Variants in COL9A1 observed in about 807,000 individuals in gnomAD.
COL9A1 encodes the protein collagen alpha-1(IX) chain.
Under a neutral mutation model 142.6 loss-of-function variants are expected in COL9A1, and 104 were observed. The ratio of observed to expected loss-of-function variants is 0.73; its 90% CI spans 0.62 to 0.86. The LOEUF (loss-of-function observed/expected upper bound fraction) is 0.86, where lower values mean the gene tolerates loss of function less well. Among genes scored for constraint, COL9A1 ranks in the 40% least tolerant of loss-of-function variants. The pLI is 0.00. For synonymous variants in COL9A1, 466 were observed against 396.0 expected (o/e 1.18, Z -2.10); for missense variants, 1,210 against 1,176.6 (o/e 1.03, Z -0.42).
At position 70,274,749 on chromosome 6, in the gene COL9A1, G is replaced by A. The variant is rs1034787678; in HGVS notation, c.999C>T (p.Ser333=). ...GADGLTGPDG[S]PGSIGSKGQK... ...GTCCCTTTGACCCAATGGAGCCAGG[G>A]GATCCATCAGGTCCTGTTAATCCCT... Residue 333 remains serine, a synonymous_variant, in exon 11 of 38, where the codon TCC becomes TCT. Transcript: ENST00000357250. The A allele has an allele frequency of 6.2e-6, 10 of 1,612,562 alleles. No homozygotes were observed. The highest frequency in any genetic ancestry group is 2.2e-5 in the East Asian group (1 of 44,868).
At chr6:70,260,519 G>T (rs987761161) in intron 20 of COL9A1, 138 bp downstream of exon 20, 24 of 694,604 alleles carry the variant, frequency 3.5e-5, no homozygotes, top group Non-Finnish European at 5.2e-5. Context: ...TTGCACTCCA[G>T]CCTGGGCAAC....
chr6:70,302,236 G>A (rs1429022847), intron 1 of COL9A1, among the ~76,000 whole-genome samples, 162 bp from the exon 2 acceptor site: 2 of 128,936 alleles, frequency 1.6e-5, no homozygotes, highest in Non-Finnish European at 3.1e-5. Context: ...TTGAGACGGA[G>A]TCTCGCTCTG....
chr6:70,242,502 A>T (rs1365328938), intron 29 of COL9A1, among the ~76,000 whole-genome samples, 160 bp downstream of exon 29: 1 of 152,228 alleles, frequency 6.6e-6, no homozygotes, highest in African/African-American at 2.4e-5. Flanking sequence ...AGGGTATCCT[A>T]CCCATAATTT....
At position 70,240,902 on chromosome 6, in the gene COL9A1, A is replaced by G. The variant is rs188168480; in HGVS notation, c.2035-169T>C. On this transcript the variant is annotated intron_variant, in intron 31 of 37. Coordinates refer to ENST00000357250, the MANE Select transcript of COL9A1 (RefSeq NM_001851.6). ...AATCTAGCTGTCAGTGGTTAGTCCC[A>G]ATCAGAAAATAGCGGAGAGGAAAGC... 3.2e-3 allele frequency among the ~76,000 whole-genome samples: 492 copies of G among 152,246 alleles called. 1 individual carries two copies. The highest frequency in any genetic ancestry group is 0.01 in the Middle Eastern group (3 of 294).
chr6:70,242,656 A>G lies in COL9A1; in HGVS notation c.1926+6T>C, dbSNP rs372289111. 7 of 1,613,524 alleles carry G rather than the reference A, an allele frequency of 4.3e-6. No individual in the cohort carries two copies. In the Admixed American group the frequency reaches 8.3e-5, roughly 19 times the overall value. ...GAAGGCAAATAAACGAAACTTTTCT[A>G]CTTACCAGTTTACCTGGTAGGCCTG... On this transcript the variant is annotated splice_donor_region_variant and intron_variant, in intron 29 of 37. Transcript: ENST00000357250.
intron 37 of COL9A1, among the ~76,000 whole-genome samples, chr6:70,225,130 G>A (rs1250622023): frequency 6.6e-6 from 1 of 152,148 alleles, no homozygotes; most frequent in Non-Finnish European, 1.5e-5. Flanking sequence ...AGGGCTTTGG[G>A]AGCCTTCCTA....
rs117786448 is a variant in COL9A1 at position 70,295,089 on chromosome 6, A to G, written c.300-526T>C. Among the ~76,000 whole-genome samples, 1,113 of 152,210 alleles carry G rather than the reference A, an allele frequency of 7.3e-3. 9 individuals carry two copies. Among genetic ancestry groups the G allele is most frequent in the Middle Eastern group, 0.01 (3 of 294 alleles). ...AATTGCTTGGGTATTCCACTCCACA[A>G]TTATATCCCAGACCCATATAAGTAT... On this transcript the variant is annotated intron_variant, in intron 4 of 37. Transcript: ENST00000357250.
chr6:70,224,488 C>T (rs1163755375), intron 37 of COL9A1, among the ~76,000 whole-genome samples: 3 of 152,110 alleles, frequency 2.0e-5, no homozygotes, highest in Non-Finnish European at 4.4e-5. Context: ...GAAAATGTTG[C>T]CAATAGTGCA....
chr6:70,244,872 G>GT (rs1770492643), intron 28 of COL9A1, among the ~76,000 whole-genome samples: 1 of 152,120 alleles, frequency 6.6e-6, no homozygotes, highest in African/African-American at 2.4e-5. Context: ...CAGACCCTTG[G>GT]TAATATATAT....
In COL9A1 at chr6:70,280,881, A is replaced by AT. The variant is rs768702678; in HGVS notation, c.913-8_913-7insA. The AT allele has an allele frequency of 3.0e-5, 49 of 1,613,418 alleles. No individual in the cohort carries two copies. Among genetic ancestry groups the AT allele is most frequent in the African/African-American group, 4.0e-5 (3 of 74,922 alleles). On this transcript the variant is annotated splice_region_variant and splice_polypyrimidine_tract_variant and intron_variant, in intron 9 of 37. Transcript: ENST00000357250. ...CCGGTTCACCTGCAGGACCCTGAGC[A>AT]GGGGCAGAAGGGTGCGGGGGCAGGA...
chr6:70,281,290 G>T, intron 8 of COL9A1, 100 bp downstream of exon 8: 1 of 1,141,686 alleles, frequency 8.8e-7, no homozygotes, highest in Non-Finnish European at 1.2e-6. Flanking sequence ...GGGAGACCCT[G>T]GTCCTCTCTG....
intron 13 of COL9A1, 60 bp from the exon 14 acceptor site, chr6:70,271,768 A>G: frequency 1.4e-6 from 2 of 1,400,120 alleles, no homozygotes; most frequent in Non-Finnish European, 2.0e-6. Flanking sequence ...TCTATCATAC[A>G]TTATATCAAA....
intron 26 of COL9A1, 179 bp downstream of exon 26, chr6:70,253,206 T>C: frequency 1.9e-6 from 1 of 519,728 alleles, no homozygotes; most frequent in Admixed American, 3.3e-5. Flanking sequence ...TGTCAAAGTA[T>C]GCTTTCTGTA....
chr6:70,266,397 G>A (rs1267373408), intron 18 of COL9A1, among the ~76,000 whole-genome samples: 3 of 152,208 alleles, frequency 2.0e-5, no homozygotes, highest in Non-Finnish European at 2.9e-5. Context: ...TGGAACAACC[G>A]TCTGAATAAT....
intron 35 of COL9A1, 79 bp downstream of exon 35, chr6:70,234,457 TACC>T: frequency 7.1e-7 from 1 of 1,412,982 alleles, no homozygotes; most frequent in Non-Finnish European, 1.0e-6. Context: ...CACTCTTGTT[TACC>T]CTTGTGTATC....
downstream of COL9A1, chr6:70,215,819 C>A (rs1442655866): frequency 6.6e-6 from 1 of 151,956 alleles, no homozygotes; most frequent in African/African-American, 2.4e-5. Flanking sequence ...CTCTGAAATA[C>A]TATACAAAAA....
chr6:70,272,739 A>G (rs1772489297), intron 12 of COL9A1, among the ~76,000 whole-genome samples: 1 of 152,160 alleles, frequency 6.6e-6, no homozygotes, highest in Non-Finnish European at 1.5e-5. Context: ...CTCGTTAGCA[A>G]CACCAAACTT....
At chr6:70,255,659 T>C (rs1771236732) in intron 21 of COL9A1, among the ~76,000 whole-genome samples, 4 of 152,252 alleles carry the variant, frequency 2.6e-5, no homozygotes, top group Admixed American at 1.3e-4. Flanking sequence ...TAACATATAA[T>C]GGATCCATGC....
At chr6:70,240,611 GTTAGAAGTA>G in intron 32 of COL9A1, 69 bp downstream of exon 32, 2 of 947,878 alleles carry the variant, frequency 2.1e-6, no homozygotes, top group South Asian at 2.8e-5. Context: ...TTTGAACTGT[GTTAGAAGTA>G]TATATATATA....
Sources: gnomAD v4.1 joint callset for allele counts (sites outside exome capture counted in the v4.1 genomes callset) on GRCh38, gnomAD v4.1.1 for gene constraint, MANE v1.5 for transcripts, NCBI Gene and HGNC (gene_info 2026-07-23, HGNC 2026-07-21) for gene names.